MTARC1: variants seen among roughly 807,000 people sequenced by gnomAD.
The protein encoded by MTARC1 is mitochondrial amidoxime-reducing component 1.
Under a neutral mutation model 33.6 loss-of-function variants are expected in MTARC1, and 24 were observed. That is an observed-to-expected ratio of 0.72 (90% CI 0.52 to 1.01). The LOEUF (loss-of-function observed/expected upper bound fraction) is 1.01. Ranked by LOEUF, MTARC1 falls within the 50% of genes least tolerant of loss-of-function variation. The probability of loss-of-function intolerance (pLI) is 0.00; values close to 1 mark genes in which losing one functional copy is unlikely to be tolerated. For missense variants in MTARC1, 417 were observed against 445.7 expected (o/e 0.94, Z 0.58); for synonymous variants, 187 against 189.5 (o/e 0.99, Z 0.11).
At chr1:220,812,755 T>A (rs1166701737) in intron 6 of MTARC1, among the ~76,000 whole-genome samples, 1 of 151,820 alleles carries the variant, frequency 6.6e-6, no homozygotes. Flanking sequence ...GACGGAGTCT[T>A]GCTCCATTGC....
At chr1:220,811,308 A>G (rs190164375) in intron 6 of MTARC1, among the ~76,000 whole-genome samples, 66 of 152,374 alleles carry the variant, frequency 4.3e-4, no homozygotes, top group African/African-American at 1.6e-3. Context: ...CTGCATCAGC[A>G]GCTTGTTATT....
At chr1:220,806,053 G>T (rs1184139922) in intron 6 of MTARC1, among the ~76,000 whole-genome samples, 1 of 152,166 alleles carries the variant, frequency 6.6e-6, no homozygotes, top group Non-Finnish European at 1.5e-5. Flanking sequence ...TACTCTTTTG[G>T]TATAGTCATA....
chr1:220,809,798 A>T (rs184506583), intron 6 of MTARC1, among the ~76,000 whole-genome samples: 1 of 152,308 alleles, frequency 6.6e-6, no homozygotes, highest in African/African-American at 2.4e-5. Flanking sequence ...ATGCTGTTTA[A>T]TTCTTAACCT....
rs907188674 is a variant in MTARC1, at chr1:220,815,057, T to G, written c.*1639T>G. 3.3e-5 allele frequency: 5 copies of G among 152,258 alleles called. No homozygotes were observed. The highest frequency in any genetic ancestry group is 6.5e-5 in the Admixed American group (1 of 15,288). The allele number at this position is 152,258 out of a possible 1,614,324, so 9.4% of individuals were successfully genotyped here. ...TATTACAGTTTGTTTTCTGCATGCT[T>G]GGCATGAGGTGAATAATTACATCAA... On this transcript the variant is annotated 3_prime_UTR_variant, in exon 7 of 7. Transcript: ENST00000366910.
intron 6 of MTARC1, among the ~76,000 whole-genome samples, chr1:220,808,489 A>C (rs1489421159): frequency 6.6e-6 from 1 of 152,218 alleles, no homozygotes; most frequent in African/African-American, 2.4e-5. Context: ...TAAATCGGGA[A>C]GAGAAAGGCC....
intron 2 of MTARC1, among the ~76,000 whole-genome samples, chr1:220,792,513 A>G (rs766176640): frequency 6.6e-6 from 1 of 152,218 alleles, no homozygotes; most frequent in African/African-American, 2.4e-5. Context: ...AAAGACCCAG[A>G]AAAGTTCACA....
rs563607561 is a variant in MTARC1 at position 220,813,017 on chromosome 1, C to T, written c.888-275C>T. Among the ~76,000 whole-genome samples the T allele has an allele frequency of 8.1e-4, 124 of 152,276 alleles. 1 individual carries two copies. The highest frequency in any genetic ancestry group is 2.9e-3 in the African/African-American group (120 of 41,546). On this transcript the variant is annotated intron_variant, in intron 6 of 6. Transcript: ENST00000366910. ...CTGGGATTACAGGCATGAGCCACCA[C>T]ACCTGGCCAAGTATCTAACGTCTTA...
At chr1:220,803,716 G>A (rs58948556) in intron 4 of MTARC1, among the ~76,000 whole-genome samples, 1,691 of 152,076 alleles carry the variant, frequency 0.011, 34 homozygotes, top group African/African-American at 0.039. Context: ...GAATAGAAGG[G>A]GCTCTGGAAG....
intron 6 of MTARC1, among the ~76,000 whole-genome samples, chr1:220,810,785 G>C (rs1673108345): frequency 6.6e-6 from 1 of 152,184 alleles, no homozygotes; most frequent in South Asian, 2.1e-4. Context: ...TACTCAGGAG[G>C]ATGTCGACGA....
chr1:220,793,941 C>T (rs1043120122), intron 2 of MTARC1: 3 of 152,122 alleles, frequency 2.0e-5, no homozygotes, highest in Admixed American at 6.6e-5. Context: ...AAATTCTACT[C>T]GTTGAAAGGC....
chr1:220,794,798 C>G (rs1378164318), intron 2 of MTARC1, among the ~76,000 whole-genome samples: 3 of 152,134 alleles, frequency 2.0e-5, no homozygotes, highest in African/African-American at 7.2e-5. Flanking sequence ...TTTCAGCCCT[C>G]TGATTCTCAG....
At position 220,817,545 on chromosome 1, in the gene MTARC1, TA is replaced by T. The variant is rs1673306984; in HGVS notation, c.*4128del. The stretch of plus-strand genomic sequence containing the variant: ...GCTGATTGGTGCATTTACAATCCTT[TA>T]GCTAGACACAGAGTGCCGATTGGTG... On this transcript the variant is annotated 3_prime_UTR_variant, in exon 7 of 7. Coordinates refer to ENST00000366910, the MANE Select transcript of MTARC1 (RefSeq NM_022746.4). 1 of 94,522 alleles carries T rather than the reference TA, an allele frequency of 1.1e-5. No individual in the cohort carries two copies. Among genetic ancestry groups the T allele is most frequent in the Non-Finnish European group, 2.6e-5 (1 of 38,158 alleles). 5.9% of individuals were successfully genotyped at this position (94,522 alleles called of 1,614,324 possible).
At chr1:220,809,706 C>T (rs1012232451) in intron 6 of MTARC1, among the ~76,000 whole-genome samples, 4 of 152,180 alleles carry the variant, frequency 2.6e-5, no homozygotes, top group African/African-American at 7.2e-5. Flanking sequence ...GACAGGGTTT[C>T]ACCATGTTGA....
chr1:220,790,114 A>G (rs1233701201), intron 1 of MTARC1, among the ~76,000 whole-genome samples: 1 of 152,238 alleles, frequency 6.6e-6, no homozygotes, highest in East Asian at 1.9e-4. Context: ...CTTTTTCAGC[A>G]TTTTGATTAA....
intron 4 of MTARC1, chr1:220,798,408 G>C: frequency 1.7e-6 from 2 of 1,175,794 alleles, no homozygotes; most frequent in Non-Finnish European, 2.1e-6. Flanking sequence ...GGAGAAGACA[G>C]GCATTTACTG....
chr1:220,788,620 C>T lies in MTARC1; in HGVS notation c.275+1401C>T, dbSNP rs558577702. ...TGGCTAACAGGGTGAAACCCCTTCT[C>T]TACTAAAAAATACAAAAAATTAGCC... is the stretch of plus-strand genomic sequence containing the variant. On this transcript the variant is annotated intron_variant, in intron 1 of 6. Transcript: ENST00000366910. Among the ~76,000 whole-genome samples, 12 of 152,128 alleles carry T rather than the reference C, an allele frequency of 7.9e-5. No individual in the cohort carries two copies. In the South Asian group the frequency reaches 2.3e-3, roughly 29 times the overall value.
intron 4 of MTARC1, among the ~76,000 whole-genome samples, chr1:220,800,950 C>T (rs1672779851): frequency 6.6e-6 from 1 of 152,174 alleles, no homozygotes; most frequent in African/African-American, 2.4e-5. Flanking sequence ...CTGCAGCAGC[C>T]TGGCTTCACT....
chr1:220,804,577 C>T (rs192692604), intron 4 of MTARC1, among the ~76,000 whole-genome samples: 1 of 152,062 alleles, frequency 6.6e-6, no homozygotes, highest in African/African-American at 2.4e-5. Flanking sequence ...CTGATGTGTC[C>T]GTATCTGGCT....
chr1:220,796,939 G>A (rs1428106491), intron 3 of MTARC1, 134 bp downstream of exon 3: 3 of 921,454 alleles, frequency 3.3e-6, no homozygotes, highest in Non-Finnish European at 4.8e-6. Flanking sequence ...CAAGCAGTAG[G>A]CAGAAATAAA....
Sources: gnomAD v4.1 joint callset for allele counts (sites outside exome capture counted in the v4.1 genomes callset) on GRCh38, gnomAD v4.1.1 for gene constraint, MANE v1.5 for transcripts, NCBI Gene and HGNC (gene_info 2026-07-23, HGNC 2026-07-21) for gene names.